Variants in ZNF536 observed in about 807,000 individuals in gnomAD.
The protein encoded by ZNF536 is zinc finger protein 536.
In ZNF536, 13 loss-of-function variants were observed where a neutral mutation model predicts 84.5. The observed-to-expected ratio is 0.15, with a 90% confidence interval of 0.10 to 0.24. The LOEUF is 0.24. Among genes scored for constraint, ZNF536 ranks in the 10% least tolerant of loss-of-function variants. ZNF536 has a pLI of 1.00. For missense variants in ZNF536, 1,536 were observed against 1,747.5 expected (o/e 0.88, Z 2.16); for synonymous variants, 811 against 742.5 (o/e 1.09, Z -1.50).
intron 2 of ZNF536, among the ~76,000 whole-genome samples, chr19:30,337,782 C>T (rs531574339): frequency 4.6e-5 from 7 of 152,122 alleles, no homozygotes; most frequent in African/African-American, 7.2e-5. Context: ...GAGGATAAAG[C>T]GAATAGCAGA....
At chr19:30,688,032 AAG>A (rs201027674) in intron 1 of ZNF536, among the ~76,000 whole-genome samples, 23,602 of 142,848 alleles carry the variant, frequency 0.17, 1,935 homozygotes, top group South Asian at 0.22. Flanking sequence ...AAAAAAAAAA[AAG>A]GGCAGGCAGC....
intron 1 of ZNF536, among the ~76,000 whole-genome samples, chr19:30,566,919 C>T (rs1160205629): frequency 1.3e-5 from 2 of 151,468 alleles, no homozygotes; most frequent in Non-Finnish European, 2.9e-5. Context: ...CGCATGTGGC[C>T]TCTCTGGGCA....
rs79788469 is a variant in ZNF536 at position 30,430,990 on chromosome 19, T to C, written c.-2-12571T>C. ...CTCGCCTGCCCATTGGGAGTCCTTT[T>C]TCAAAACACTAATAGGTTGAAGCAA... On this transcript the variant is annotated intron_variant, in intron 1 of 4. Transcript: ENST00000355537. 8.7e-3 allele frequency among the ~76,000 whole-genome samples: 1,319 copies of C among 152,332 alleles called. 20 individuals are homozygous for C. Among genetic ancestry groups the C allele is most frequent in the African/African-American group, 0.03 (1,242 of 41,576 alleles).
At chr19:30,606,205 AATAAAATAAAAT>A (rs1303673239) in intron 1 of ZNF536, among the ~76,000 whole-genome samples, 15 of 131,650 alleles carry the variant, frequency 1.1e-4, no homozygotes, top group East Asian at 9.3e-4. Flanking sequence ...AATAAAATAA[AATAAAATAAAAT>A]ATAAAATAAA....
At chr19:30,289,866 A>G (rs926692099) in intron 2 of ZNF536, among the ~76,000 whole-genome samples, 1 of 152,228 alleles carries the variant, frequency 6.6e-6, no homozygotes, top group Non-Finnish European at 1.5e-5. Context: ...AATTTAAAAT[A>G]ATTGCGATAA....
intron 1 of ZNF536, among the ~76,000 whole-genome samples, chr19:30,638,039 A>C (rs2049135041): frequency 6.6e-6 from 1 of 152,138 alleles, no homozygotes; most frequent in Non-Finnish European, 1.5e-5. Flanking sequence ...AGTCGATGCA[A>C]GCCCTGAAAA....
chr19:30,583,771 T>A (rs879603890), intron 1 of ZNF536, among the ~76,000 whole-genome samples: 3 of 152,082 alleles, frequency 2.0e-5, no homozygotes, highest in African/African-American at 4.8e-5. Flanking sequence ...GAATAGTGAA[T>A]GAAGGGATGA....
At chr19:30,544,808 C>T (rs182202786) in intron 3 of ZNF536, among the ~76,000 whole-genome samples, 25 of 152,292 alleles carry the variant, frequency 1.6e-4, no homozygotes, top group African/African-American at 2.2e-4. Flanking sequence ...TACTCCTAAA[C>T]GAGCTTAGGA....
chr19:30,690,588 C>G (rs2051368624), intron 1 of ZNF536, among the ~76,000 whole-genome samples: 1 of 152,108 alleles, frequency 6.6e-6, no homozygotes, highest in African/African-American at 2.4e-5. Flanking sequence ...TAAATGGCTG[C>G]CCTTCAAATC....
chr19:30,614,241 A>G (rs2048203151), intron 1 of ZNF536, among the ~76,000 whole-genome samples: 1 of 152,170 alleles, frequency 6.6e-6, no homozygotes, highest in African/African-American at 2.4e-5. Flanking sequence ...TGCAAAAATA[A>G]TTGCGGTTTT....
At chr19:30,443,120 C>T (rs149992134) in intron 1 of ZNF536, among the ~76,000 whole-genome samples, 7 of 146,322 alleles carry the variant, frequency 4.8e-5, no homozygotes, top group East Asian at 4.2e-4. Flanking sequence ...ATATAGTAAA[C>T]GGAAACAGAA....
At chr19:30,471,475 G>A (rs1033491164) in intron 2 of ZNF536, among the ~76,000 whole-genome samples, 3 of 152,192 alleles carry the variant, frequency 2.0e-5, no homozygotes, top group Non-Finnish European at 4.4e-5. Context: ...CCTGGGTGAC[G>A]TGCACAGGTC....
chr19:30,559,444 C>A (rs1235646848), downstream of ZNF536, among the ~76,000 whole-genome samples: 1 of 152,142 alleles, frequency 6.6e-6, no homozygotes, highest in Non-Finnish European at 1.5e-5. Flanking sequence ...TGCAATGTCC[C>A]CTGAGTCTAA....
chr19:30,558,064 A>T (rs1568553173), downstream of ZNF536: 1 of 151,728 alleles, frequency 6.6e-6, no homozygotes, highest in Admixed American at 6.6e-5. Context: ...ACATTAGTGC[A>T]GTTTGGAGTC....
chr19:30,448,673 G>T (rs929364136), intron 2 of ZNF536, among the ~76,000 whole-genome samples: 1 of 151,990 alleles, frequency 6.6e-6, no homozygotes, highest in Non-Finnish European at 1.5e-5. Context: ...TTTATAAATC[G>T]CTGCTCTTAA....
intron 1 of ZNF536, among the ~76,000 whole-genome samples, chr19:30,609,025 A>C (rs191236652): frequency 1.3e-5 from 2 of 152,322 alleles, no homozygotes; most frequent in Admixed American, 1.3e-4. Flanking sequence ...CTTGTTCACT[A>C]CAACATGGTA....
chr19:30,402,619 G>A (rs1313951630), intron 1 of ZNF536, among the ~76,000 whole-genome samples: 1 of 151,472 alleles, frequency 6.6e-6, no homozygotes, highest in Non-Finnish European at 1.5e-5. Context: ...AACCCTGTAC[G>A]GCTCGACAGG....
chr19:30,427,241 T>C (rs2051254455), intron 1 of ZNF536, among the ~76,000 whole-genome samples: 1 of 152,178 alleles, frequency 6.6e-6, no homozygotes, highest in African/African-American at 2.4e-5. Context: ...TCAAGGAACA[T>C]CTCTGTGCAA....
At chr19:30,583,527 G>A (rs1307030499) in intron 1 of ZNF536, among the ~76,000 whole-genome samples, 2 of 152,170 alleles carry the variant, frequency 1.3e-5, no homozygotes, top group African/African-American at 4.8e-5. Context: ...TATGGGTCCT[G>A]GCCTGCAGCT....
Sources: gnomAD v4.1 joint callset for allele counts (sites outside exome capture counted in the v4.1 genomes callset) on GRCh38, gnomAD v4.1.1 for gene constraint, MANE v1.5 for transcripts, NCBI Gene and HGNC (gene_info 2026-07-23, HGNC 2026-07-21) for gene names.